The following PCDHGA3 variants were observed in gnomAD, a reference collection of about 807,000 sequenced individuals.
PCDHGA3 encodes protocadherin gamma subfamily A, 3.
PCDHGA3 carries 40 observed loss-of-function variants against 58.5 expected under a neutral mutation model. That is an observed-to-expected ratio of 0.68 (90% CI 0.53 to 0.89). The LOEUF is 0.89. Ranked by LOEUF, PCDHGA3 falls within the 40% of genes least tolerant of loss-of-function variation. PCDHGA3 has a pLI of 0.00. For missense variants in PCDHGA3, 1,223 were observed against 1,195.9 expected (o/e 1.02, Z -0.33); for synonymous variants, 530 against 525.7 (o/e 1.01, Z -0.11).
intron 1 of PCDHGA3, chr5:141,419,897 A>G: frequency 1.2e-6 from 2 of 1,613,960 alleles, no homozygotes; most frequent in African/African-American, 2.7e-5. Flanking sequence ...CGACCATCCC[A>G]CACCCTCTGA....
In PCDHGA3 at chr5:141,345,638, C is replaced by T. The variant is rs370039699; in HGVS notation, c.1605C>T (p.Ser535=). 178 of 1,614,198 alleles carry T rather than the reference C, an allele frequency of 1.1e-4. No individual in the cohort carries two copies. The African/African-American group carries it at 1.8e-3, about 16-fold the overall frequency. The stretch of plus-strand genomic sequence containing the variant: ...ACTTAAAGCTACTGGTGACAGCCAG[C>T]GACAGCGGGAACCCTCCACTCAGCA... The part of the protein sequence containing the change: ...FRDLKLLVTA[S]DSGNPPLSSN... The change falls in exon 1 of 4, where the codon AGC becomes AGT. Residue 535 remains serine (S), a synonymous_variant. Transcript: ENST00000253812.
intron 1 of PCDHGA3, chr5:141,418,829 C>A: frequency 1.9e-6 from 3 of 1,613,856 alleles, no homozygotes; most frequent in Non-Finnish European, 1.7e-6. Context: ...AGCAAAAGAC[C>A]GAGGATCTCT....
At position 141,486,209 on chromosome 5, in the gene PCDHGA3, A is replaced by C. The variant is rs749965379; in HGVS notation, c.2425-8598A>C. On this transcript the variant is annotated intron_variant, in intron 1 of 3. Transcript: ENST00000253812. The surrounding 1 kb of genome is among the most constrained non-coding windows in gnomAD (Gnocchi z 5.0). ...AGTGGATCTGCTGGACGTAAATGAC[A>C]ATGCCCCTTACATCACAGTGACCTC... 1 of 1,614,080 alleles carries C rather than the reference A, an allele frequency of 6.2e-7. No homozygotes were observed. Among genetic ancestry groups the C allele is most frequent in the South Asian group, 1.1e-5 (1 of 91,078 alleles).
chr5:141,389,930 C>G (rs1255366269), intron 1 of PCDHGA3: 1 of 1,614,064 alleles, frequency 6.2e-7, no homozygotes, highest in East Asian at 2.2e-5. Flanking sequence ...CCTCTGACCT[C>G]CAGGCTGAGC....
chr5:141,416,109 A>C (rs1365438751), intron 1 of PCDHGA3: 5 of 157,286 alleles, frequency 3.2e-5, no homozygotes, highest in African/African-American at 1.2e-4. Context: ...GCCTTTTTCA[A>C]ACTACATTTT....
Position 141,345,392 on chromosome 5 carries a change from T to C in PCDHGA3, c.1359T>C (p.Pro453=). 2 of 1,614,008 alleles carry C rather than the reference T, an allele frequency of 1.2e-6. No homozygotes were observed. Among genetic ancestry groups the C allele is most frequent in the Non-Finnish European group, 1.7e-6 (2 of 1,180,000 alleles). Residue 453 remains proline (P), a synonymous_variant, in exon 1 of 4, where the codon CCT becomes CCC. Coordinates refer to ENST00000253812, the MANE Select transcript of PCDHGA3 (RefSeq NM_018916.4). ...IDINDNPPTF[P]HLSYSAYIPE... ...TCAATGACAACCCACCCACCTTCCC[T>C]CATTTATCCTACTCCGCCTACATTC...
chr5:141,431,222 C>T lies in PCDHGA3; in HGVS notation c.2425-63585C>T. On this transcript the variant is annotated intron_variant, in intron 1 of 3. Transcript: ENST00000253812. The surrounding 1 kb of genome is among the most constrained non-coding windows in gnomAD (Gnocchi z 4.8). ...AGCCACTGAGATGCGGTTCCCTCTA[C>T]CCCACGCCTGGGATCCGGATATCGG... The T allele has an allele frequency of 6.2e-7, 1 of 1,614,170 alleles. No individual in the cohort carries two copies. Among genetic ancestry groups the T allele is most frequent in the South Asian group, 1.1e-5 (1 of 91,090 alleles).
chr5:141,422,836 G>A, intron 1 of PCDHGA3: 1 of 1,614,250 alleles, frequency 6.2e-7, no homozygotes, highest in Middle Eastern at 1.6e-4. Flanking sequence ...GATAGCACGT[G>A]ACAGCGGGGA....
chr5:141,434,481 A>G (rs2097697198), intron 1 of PCDHGA3, among the ~76,000 whole-genome samples: 1 of 152,246 alleles, frequency 6.6e-6, no homozygotes, highest in Non-Finnish European at 1.5e-5. Context: ...GGCAAGGAAC[A>G]CCTGGCCCGC....
chr5:141,394,177 C>T (rs2092934633), intron 1 of PCDHGA3: 1 of 1,613,912 alleles, frequency 6.2e-7, no homozygotes, highest in East Asian at 2.2e-5. Context: ...TTCCCTCATG[C>T]CTCCTACTCA....
chr5:141,394,472 G>C, intron 1 of PCDHGA3: 2 of 1,614,242 alleles, frequency 1.2e-6, no homozygotes, highest in East Asian at 2.2e-5. Flanking sequence ...TGTTCGTGCT[G>C]GACCAGAATG....
intron 1 of PCDHGA3, chr5:141,410,274 A>G: frequency 4.3e-6 from 7 of 1,613,948 alleles, no homozygotes; most frequent in Non-Finnish European, 5.9e-6. Context: ...CTGCAGTTTT[A>G]CCTGGTGGTG....
At chr5:141,364,270 G>A (rs1358806015) in intron 1 of PCDHGA3, 1 of 1,513,876 alleles carries the variant, frequency 6.6e-7, no homozygotes, top group African/African-American at 1.4e-5. Flanking sequence ...ATCGGCTTTA[G>A]ATAAATAAGG....
At chr5:141,361,625 A>AGCC (rs747981041) in intron 1 of PCDHGA3, 1 of 1,613,928 alleles carries the variant, frequency 6.2e-7, no homozygotes, top group African/African-American at 1.3e-5. Context: ...AGCGACCTGA[A>AGCC]GCCGCGGGAG....
rs776854254 is a variant in PCDHGA3 at position 141,487,285 on chromosome 5, C to T, written c.2425-7522C>T. On this transcript the variant is annotated intron_variant, in intron 1 of 3. Coordinates refer to ENST00000253812, the MANE Select transcript of PCDHGA3 (RefSeq NM_018916.4). This position sits in a 1 kb window ranked among gnomAD's most constrained non-coding sequence, Gnocchi z 5.0. The stretch of plus-strand genomic sequence containing the variant: ...CCCTAGTGGCAATTTGCTTTGTCTC[C>T]TTTGGCTCATTCGTGGCACTACTCT... 8 of 1,614,148 alleles carry T rather than the reference C, an allele frequency of 5.0e-6. No homozygotes were observed. The highest frequency in any genetic ancestry group is 6.8e-6 in the Non-Finnish European group (8 of 1,180,036).
chr5:141,373,227 T>A (rs545943961), intron 1 of PCDHGA3, among the ~76,000 whole-genome samples: 1 of 152,232 alleles, frequency 6.6e-6, no homozygotes. Flanking sequence ...AACCTGTATA[T>A]AATATTTTTA....
intron 1 of PCDHGA3, chr5:141,395,547 TGTGTGTGTGTGTGTGTGTGTG>T (rs2093271294): frequency 4.6e-5 from 8 of 174,262 alleles, no homozygotes; most frequent in Non-Finnish European, 8.3e-5. Context: ...ATTGTTTGTG[TGTGTGTGTGTGTGTGTGTGTG>T]TGTGTGTGTG....
At chr5:141,451,957 A>C (rs1019378263) in intron 1 of PCDHGA3, among the ~76,000 whole-genome samples, 3 of 152,202 alleles carry the variant, frequency 2.0e-5, no homozygotes, top group African/African-American at 7.2e-5. Context: ...AGAAAGTGAC[A>C]TACCATCATT....
intron 1 of PCDHGA3, chr5:141,384,316 T>C (rs1779949710): frequency 6.2e-7 from 1 of 1,613,858 alleles, no homozygotes; most frequent in Non-Finnish European, 8.5e-7. Context: ...CTCCATTTTC[T>C]TAGTGACTGC....
Sources: allele counts gnomAD v4.1 joint callset (sites outside exome capture counted in the v4.1 genomes callset), GRCh38; gene constraint gnomAD v4.1.1; non-coding constraint Gnocchi (gnomAD v3.1); transcripts MANE v1.5; gene names NCBI Gene and HGNC (gene_info 2026-07-23, HGNC 2026-07-21).